Variants in TMEM74 observed in about 807,000 individuals in gnomAD.
TMEM74 encodes transmembrane protein 74.
TMEM74 carries 13 observed loss-of-function variants against 18.1 expected under a neutral mutation model. The observed-to-expected ratio is 0.72, with a 90% CI of 0.47 to 1.14. The LOEUF (loss-of-function observed/expected upper bound fraction) is 1.14. Among genes scored for constraint, TMEM74 ranks in the 50% most tolerant of loss-of-function variants. The probability of loss-of-function intolerance (pLI) is 0.00; values close to 1 mark genes in which losing one functional copy is unlikely to be tolerated. For synonymous variants in TMEM74, 159 were observed against 146.6 expected, an observed-to-expected ratio of 1.08 and a Z score of -0.61; for missense variants, 372 against 375.9, an observed-to-expected ratio of 0.99 and a Z score of 0.09.
intron 1 of TMEM74, among the ~76,000 whole-genome samples, chr8:108,691,701 A>G (rs1182015207): frequency 6.7e-6 from 1 of 148,522 alleles, no homozygotes; most frequent in Admixed American, 6.8e-5. Context: ...AGTAAAGTCT[A>G]TTGTAAAAAT....
intron 1 of TMEM74, among the ~76,000 whole-genome samples, chr8:108,694,859 T>C (rs1813265068): frequency 6.6e-6 from 1 of 152,154 alleles, no homozygotes. Flanking sequence ...GAAGAGAACA[T>C]AGTTGTGGAG....
At chr8:108,671,163 G>T (rs544080126) in intron 1 of TMEM74, among the ~76,000 whole-genome samples, 1 of 152,258 alleles carries the variant, frequency 6.6e-6, no homozygotes, top group East Asian at 1.9e-4. Flanking sequence ...GACTGGTGAT[G>T]GCCAGTGCTC....
intron 1 of TMEM74, among the ~76,000 whole-genome samples, chr8:108,699,187 C>CCTTCCTT (rs1563529302): frequency 0.016 from 1,077 of 68,694 alleles, 9 homozygotes; most frequent in African/African-American, 0.028. Flanking sequence ...CTTCCTTCCT[C>CCTTCCTT]CCTCCCTCCC....
intron 1 of TMEM74, among the ~76,000 whole-genome samples, chr8:108,657,857 A>AATATATATAT: frequency 1.6e-5 from 1 of 62,288 alleles, no homozygotes; most frequent in East Asian, 6.3e-4. Context: ...AAAAAAAAAA[A>AATATATATAT]AAATATATAT....
At chr8:108,755,735 GT>G (rs1270662737) in intron 1 of TMEM74, among the ~76,000 whole-genome samples, 1 of 151,960 alleles carries the variant, frequency 6.6e-6, no homozygotes, top group Non-Finnish European at 1.5e-5. Flanking sequence ...AAATACATCT[GT>G]TTAAAATAGG....
At chr8:108,654,040 CA>C (rs1812798661) in intron 2 of TMEM74, among the ~76,000 whole-genome samples, 1 of 152,180 alleles carries the variant, frequency 6.6e-6, no homozygotes, top group East Asian at 1.9e-4. Flanking sequence ...TATTAAAAAG[CA>C]AACAGTGGTT....
At chr8:108,683,410 T>A (rs1563524914) in intron 1 of TMEM74, among the ~76,000 whole-genome samples, 1 of 151,858 alleles carries the variant, frequency 6.6e-6, no homozygotes, top group Non-Finnish European at 1.5e-5. Flanking sequence ...TTAGCATTTT[T>A]TTCAGACAAT....
chr8:108,770,679 C>G (rs7826461), intron 1 of TMEM74, among the ~76,000 whole-genome samples: 38,965 of 152,070 alleles, frequency 0.26, 5,484 homozygotes, highest in Middle Eastern at 0.33. Flanking sequence ...CAGACTCTCT[C>G]TCTTCTTAGA....
At chr8:108,758,398 T>G (rs1017747585) in intron 1 of TMEM74, among the ~76,000 whole-genome samples, 1 of 151,974 alleles carries the variant, frequency 6.6e-6, no homozygotes, top group Non-Finnish European at 1.5e-5. Context: ...TTGACCTCAG[T>G]TGGGTGAAGG....
chr8:108,617,825 C>G (rs1473326548), intron 2 of TMEM74, among the ~76,000 whole-genome samples: 2 of 151,966 alleles, frequency 1.3e-5, no homozygotes, highest in East Asian at 3.9e-4. Context: ...CTTGGGACTC[C>G]CCTAATTTCA....
At chr8:108,787,045 T>A (rs1586299193) in intron 1 of TMEM74, among the ~76,000 whole-genome samples, 1 of 152,304 alleles carries the variant, frequency 6.6e-6, no homozygotes, top group East Asian at 1.9e-4. Context: ...AAGACTCTTT[T>A]CTTCCGTCCT....
Position 108,785,024 on chromosome 8 carries a change from C to T in TMEM74, c.75G>A (p.Gly25=). ...CTGTATCTGCCTGGTCACCAGGCAGCCCTCTTGAACTCCAGTCCCTGGCAT... is the reference window on the plus strand; with the variant it reads ...CTGTATCTGCCTGGTCACCAGGCAGTCCTCTTGAACTCCAGTCCCTGGCAT... ...LCDARDWSSR[G]LPGDQADTAA... Residue 25 remains glycine (G), a synonymous_variant, in exon 2 of 2, where the codon GGG becomes GGA. Coordinates refer to ENST00000297459, the MANE Select transcript of TMEM74 (RefSeq NM_153015.3). The T allele has an allele frequency of 1.9e-6, 3 of 1,613,978 alleles. No homozygotes were observed. The highest frequency in any genetic ancestry group is 2.5e-6 in the Non-Finnish European group (3 of 1,179,936).
At chr8:108,722,933 G>A (rs997304023) in intron 1 of TMEM74, among the ~76,000 whole-genome samples, 1 of 152,184 alleles carries the variant, frequency 6.6e-6, no homozygotes, top group Non-Finnish European at 1.5e-5. Context: ...CAGGTCCTTT[G>A]TTTACTCCTC....
At chr8:108,718,248 G>A (rs3019356) in intron 1 of TMEM74, among the ~76,000 whole-genome samples, 43,680 of 147,866 alleles carry the variant, frequency 0.3, 13,736 homozygotes, top group East Asian at 0.43. Flanking sequence ...GTGAGCCACC[G>A]CGCCCGGCCC....
At chr8:108,724,642 A>G (rs1397584056) in intron 1 of TMEM74, among the ~76,000 whole-genome samples, 1 of 152,178 alleles carries the variant, frequency 6.6e-6, no homozygotes, top group Admixed American at 6.5e-5. Context: ...GAGTTTATTG[A>G]TATTTTAGGC....
intron 1 of TMEM74, among the ~76,000 whole-genome samples, chr8:108,707,587 T>C (rs1170050569): frequency 6.6e-6 from 1 of 152,116 alleles, no homozygotes; most frequent in Non-Finnish European, 1.5e-5. Context: ...AAATACACGA[T>C]GGAAAAAGGA....
intron 1 of TMEM74, among the ~76,000 whole-genome samples, chr8:108,710,419 G>A (rs2935795): frequency 0.19 from 29,457 of 152,108 alleles, 3,074 homozygotes; most frequent in East Asian, 0.29. Context: ...CTGCATGTGA[G>A]TTCTGGTATC....
chr8:108,635,393 A>T (rs1812597281), intron 2 of TMEM74, among the ~76,000 whole-genome samples: 1 of 151,764 alleles, frequency 6.6e-6, no homozygotes, highest in Non-Finnish European at 1.5e-5. Flanking sequence ...CATACCATAG[A>T]GTTATGTGCT....
At chr8:108,725,446 C>T (rs186624471) in intron 1 of TMEM74, among the ~76,000 whole-genome samples, 4 of 152,276 alleles carry the variant, frequency 2.6e-5, no homozygotes, top group Admixed American at 2.6e-4. Flanking sequence ...AACACAACTA[C>T]TCATTCTTTT....
Sources: gnomAD v4.1 joint callset for allele counts (sites outside exome capture counted in the v4.1 genomes callset) on GRCh38, gnomAD v4.1.1 for gene constraint, MANE v1.5 for transcripts, NCBI Gene and HGNC (gene_info 2026-07-23, HGNC 2026-07-21) for gene names.